ZNRF3: variants seen among roughly 807,000 people sequenced by gnomAD.
The protein encoded by ZNRF3 is zinc and ring finger 3.
Under a neutral mutation model 72.5 loss-of-function variants are expected in ZNRF3, and 23 were observed. The observed-to-expected ratio is 0.32, with a 90% CI of 0.23 to 0.45. ZNRF3 has a LOEUF of 0.45. ZNRF3 is among the 20% of genes least tolerant of loss of function. The pLI is 1.00. For missense variants in ZNRF3, 1,169 were observed against 1,272.1 expected, an observed-to-expected ratio of 0.92 and a Z score of 1.23; for synonymous variants, 610 against 545.3, an observed-to-expected ratio of 1.12 and a Z score of -1.65.
chr22:29,001,262 G>A (rs2036140603), intron 2 of ZNRF3, among the ~76,000 whole-genome samples: 1 of 150,966 alleles, frequency 6.6e-6, no homozygotes, highest in African/African-American at 2.4e-5. Context: ...GTAGAGACAG[G>A]GTTTCACCAT....
At position 29,054,728 on chromosome 22, in the gene ZNRF3, A is replaced by C. The variant is rs545898354; in HGVS notation, c.*1106A>C. The stretch of plus-strand genomic sequence containing the variant: ...GCACACCCATGTGCAGTGCGCCTGC[A>C]TCTGTGTGGGGGCAGCCACACCCCT... On this transcript the variant is annotated 3_prime_UTR_variant, in exon 9 of 9. Coordinates refer to ENST00000544604, the MANE Select transcript of ZNRF3 (RefSeq NM_001206998.2). 1 of 152,650 alleles carries C rather than the reference A, an allele frequency of 6.6e-6. No individual in the cohort carries two copies. The highest frequency in any genetic ancestry group is 2.1e-4 in the South Asian group (1 of 4,776). The allele number at this position is 152,650 out of a possible 1,614,324, so 9.5% of individuals were successfully genotyped here. A position where few individuals can be genotyped will look rare whatever the true frequency, so the allele number is the denominator to read the frequency against.
chr22:28,884,611 G>GGGGA (rs1276595004), intron 1 of ZNRF3, among the ~76,000 whole-genome samples: 2 of 152,226 alleles, frequency 1.3e-5, no homozygotes, highest in African/African-American at 4.8e-5. Context: ...GCAGCAGGCA[G>GGGGA]GGGAGGAGGC....
intron 1 of ZNRF3, among the ~76,000 whole-genome samples, chr22:28,955,802 C>T (rs1175944074): frequency 6.6e-6 from 1 of 151,308 alleles, no homozygotes; most frequent in East Asian, 1.9e-4. Context: ...GCCTGTGGTT[C>T]CAGCTACTTG....
chr22:28,994,515 G>C (rs1221679444), intron 2 of ZNRF3, among the ~76,000 whole-genome samples: 1 of 151,934 alleles, frequency 6.6e-6, no homozygotes. Flanking sequence ...CACTCAAAGT[G>C]GTATTACTTA....
intron 1 of ZNRF3, among the ~76,000 whole-genome samples, chr22:28,937,197 ATATATATATATATATATATTTTTTTTTTT>A (rs72390332): frequency 0.28 from 13,196 of 46,956 alleles, 991 homozygotes; most frequent in South Asian, 0.36. Context: ...ATATATATAT[ATATATATATATATATATATTTTTTTTTTT>A]TTTTTTTTTT....
intron 2 of ZNRF3, among the ~76,000 whole-genome samples, chr22:29,017,017 T>C (rs548104493): frequency 6.6e-6 from 1 of 152,194 alleles, no homozygotes; most frequent in African/African-American, 2.4e-5. Flanking sequence ...AACCATTGAG[T>C]GTCAAAGACA....
chr22:28,895,694 C>T (rs1420241026), intron 1 of ZNRF3, among the ~76,000 whole-genome samples: 5 of 151,956 alleles, frequency 3.3e-5, no homozygotes, highest in Non-Finnish European at 7.4e-5. Flanking sequence ...TGTGACTTAG[C>T]TCTCCTTTTG....
At chr22:28,912,288 A>G (rs1259286708) in intron 1 of ZNRF3, among the ~76,000 whole-genome samples, 1 of 152,240 alleles carries the variant, frequency 6.6e-6, no homozygotes, top group Non-Finnish European at 1.5e-5. Context: ...GGACTGGGCC[A>G]GTCCAGGCAG....
chr22:29,017,109 A>T (rs1156806142), intron 2 of ZNRF3, among the ~76,000 whole-genome samples: 1 of 152,220 alleles, frequency 6.6e-6, no homozygotes, highest in Non-Finnish European at 1.5e-5. Flanking sequence ...CAGTTTTATG[A>T]AAGCCAAAAA....
intron 1 of ZNRF3, among the ~76,000 whole-genome samples, chr22:28,933,745 C>G: frequency 1.2e-5 from 1 of 85,364 alleles, no homozygotes; most frequent in Non-Finnish European, 2.5e-5. Flanking sequence ...CACACACACA[C>G]ACACTCACTC....
chr22:29,007,476 A>G (rs1223071634), intron 2 of ZNRF3, among the ~76,000 whole-genome samples: 2 of 151,790 alleles, frequency 1.3e-5, no homozygotes, highest in African/African-American at 2.4e-5. Context: ...CATCTCTACA[A>G]ATTTTTTTTT....
chr22:29,045,724 G>A (rs190724438), intron 5 of ZNRF3, among the ~76,000 whole-genome samples: 7 of 152,292 alleles, frequency 4.6e-5, no homozygotes, highest in Non-Finnish European at 8.8e-5. Flanking sequence ...TGATCCGCCC[G>A]CCTCGGCCTC....
intron 6 of ZNRF3, 119 bp downstream of exon 6, chr22:29,047,002 C>T: frequency 9.7e-7 from 1 of 1,033,516 alleles, no homozygotes; most frequent in Non-Finnish European, 1.3e-6. Context: ...TTTAGAGTCA[C>T]TCTTCTGAAA....
chr22:28,933,335 G>C (rs2034746922), intron 1 of ZNRF3, among the ~76,000 whole-genome samples: 1 of 152,144 alleles, frequency 6.6e-6, no homozygotes, highest in East Asian at 1.9e-4. Flanking sequence ...GCAGTTTTAG[G>C]TGTTATTGGG....
chr22:29,046,195 CAG>C (rs1200615096), intron 5 of ZNRF3, among the ~76,000 whole-genome samples: 6 of 152,100 alleles, frequency 3.9e-5, no homozygotes, highest in African/African-American at 9.7e-5. Context: ...GGTCATGTCT[CAG>C]GGGAGAGATG....
Position 29,049,467 on chromosome 22 carries a change from C to T in ZNRF3, c.1286C>T (p.Ala429Val). ...YPPLHLDHSL[A>V]AHRCGLEHRA... ...CCCCTCCACCTGGACCACAGCCTGG[C>T]CGCTCACCGCTGCGGCCTGGAGCAC... Residue 429 changes from alanine to valine, a missense_variant, in exon 8 of 9, where the codon GCC becomes GTC. By Grantham distance (64) the Ala-to-Val change is moderately conservative. Around this residue, in one of 2 missense-constraint regions of ZNRF3, gnomAD observed 783 missense variants for 731.4 expected, o/e 1.07. Transcript: ENST00000544604. The surrounding 1 kb of genome is among the most constrained non-coding windows in gnomAD (Gnocchi z 5.2). 1 of 1,604,954 alleles carries T rather than the reference C, an allele frequency of 6.2e-7. No homozygotes were observed. Among genetic ancestry groups the T allele is most frequent in the Admixed American group, 1.7e-5 (1 of 59,944 alleles).
intron 1 of ZNRF3, among the ~76,000 whole-genome samples, chr22:28,896,987 T>G (rs1403721628): frequency 1.3e-5 from 2 of 152,226 alleles, no homozygotes; most frequent in East Asian, 3.8e-4. Context: ...TAGACTGGAC[T>G]TGAACTCTTG....
chr22:28,944,067 G>A (rs370538258), intron 1 of ZNRF3, among the ~76,000 whole-genome samples: 11 of 151,242 alleles, frequency 7.3e-5, no homozygotes, highest in Non-Finnish European at 1.5e-4. Context: ...CCAAAGAGGA[G>A]AGTCTAAAAT....
At chr22:28,909,761 T>G (rs2034281007) in intron 1 of ZNRF3, among the ~76,000 whole-genome samples, 2 of 150,152 alleles carry the variant, frequency 1.3e-5, no homozygotes, top group African/African-American at 4.9e-5. Context: ...TTTTTTTTTT[T>G]TTTTTTTTGG....
Sources: gnomAD v4.1 joint callset for allele counts (sites outside exome capture counted in the v4.1 genomes callset) on GRCh38, gnomAD v4.1.1 for gene constraint, gnomAD v4.1.1 regional missense constraint, Gnocchi (gnomAD v3.1) non-coding constraint, MANE v1.5 for transcripts, NCBI Gene and HGNC (gene_info 2026-07-23, HGNC 2026-07-21) for gene names.